CUX1: variants seen among roughly 807,000 people sequenced by gnomAD.
CUX1 encodes cut like homeobox 1, also known as protein CASP.
A neutral mutation model predicts 158.8 loss-of-function variants in CUX1; 31 were observed. That is an observed-to-expected ratio of 0.20 (90% CI 0.15 to 0.26). The LOEUF is 0.26. Ranked by LOEUF, CUX1 falls within the 10% of genes least tolerant of loss-of-function variation. The pLI is 1.00. For synonymous variants in CUX1, 879 were observed against 862.1 expected (o/e 1.02, Z -0.34); for missense variants, 1,589 against 2,014.6 (o/e 0.79, Z 4.04).
intron 7 of CUX1, chr7:102,111,981 G>T (rs1830940365): frequency 1.9e-6 from 1 of 528,382 alleles, no homozygotes; most frequent in African/African-American, 1.9e-5. Flanking sequence ...TAATGTAGAG[G>T]TGGGAGGATC....
chr7:102,240,375 C>T (rs186610953), intron 23 of CUX1, among the ~76,000 whole-genome samples: 249 of 152,210 alleles, frequency 1.6e-3, no homozygotes, highest in Middle Eastern at 6.8e-3. Context: ...CTCAGGCAGT[C>T]CTCCCACCTC....
chr7:102,161,705 G>A (rs1157112404), intron 9 of CUX1, among the ~76,000 whole-genome samples: 1 of 152,142 alleles, frequency 6.6e-6, no homozygotes, highest in Non-Finnish European at 1.5e-5. Context: ...CCACCTCATG[G>A]GTTCAGGCAA....
chr7:102,133,878 G>A lies in CUX1; in HGVS notation c.674+18605G>A, dbSNP rs571316399. Among the ~76,000 whole-genome samples, 61 of 152,308 alleles carry A rather than the reference G, an allele frequency of 4.0e-4. No homozygotes were observed. The South Asian group carries it at 4.8e-3, about 12-fold the overall frequency. On this transcript the variant is annotated intron_variant, in intron 8 of 23. Coordinates refer to ENST00000292535, the MANE Select transcript of CUX1 (RefSeq NM_181552.4). ...CGGGGTAATTGCAGACTGTGACCTC[G>A]TTGCGAGTGGAAATCACAGAGGCTT...
rs1554545412 is a variant in CUX1 at position 102,267,908 on chromosome 7, TGCTACCAC to T, written c.1256-5457_1256-5450del. Reference sequence around the variant, plus strand: ...GTCTCAAACACCTGAGCTCCAGCGATGCTACCACCTCTGCCTCCCAAAGTGCTGTATTC... The same window carrying T: ...GTCTCAAACACCTGAGCTCCAGCGATCTCTGCCTCCCAAAGTGCTGTATTC... On this transcript the variant is annotated intron_variant, in intron 14 of 22. Transcript: ENST00000292538. Among the ~76,000 whole-genome samples the T allele has an allele frequency of 3.2e-4, 4 of 12,636 alleles. No homozygotes were observed. In the African/African-American group the frequency reaches 3.7e-3, roughly 12 times the overall value. The allele number at this position is 12,636 out of a possible 152,430, so 8.3% of individuals were successfully genotyped here. A position where few individuals can be genotyped will look rare whatever the true frequency, so the allele number is the denominator to read the frequency against.
chr7:102,127,993 G>A (rs1163922090), intron 8 of CUX1, among the ~76,000 whole-genome samples: 5 of 152,214 alleles, frequency 3.3e-5, no homozygotes, highest in Non-Finnish European at 7.3e-5. Flanking sequence ...GACTACAGGT[G>A]TGTGCCACCA....
chr7:101,926,686 G>C (rs952304931), intron 2 of CUX1, among the ~76,000 whole-genome samples: 1 of 152,150 alleles, frequency 6.6e-6, no homozygotes, highest in Non-Finnish European at 1.5e-5. Flanking sequence ...GGAGTAGAAC[G>C]CATAACTAGT....
intron 1 of CUX1, among the ~76,000 whole-genome samples, chr7:101,875,018 A>C (rs1798979185): frequency 6.6e-6 from 1 of 152,054 alleles, no homozygotes; most frequent in African/African-American, 2.4e-5. Context: ...ATTTGTAACA[A>C]TTCTGCTTGA....
At chr7:102,273,499 C>A (rs782605883) in intron 15 of CUX1, 9 of 1,608,172 alleles carry the variant, frequency 5.6e-6, no homozygotes, top group Non-Finnish European at 6.8e-6. Flanking sequence ...CCGAGGTGAG[C>A]CCACCCCCCT....
rs923291210 is a variant in CUX1 at position 102,219,048 on chromosome 7, G to A, written c.3131-8319G>A. 2.5e-4 allele frequency among the ~76,000 whole-genome samples: 15 copies of A among 59,146 alleles called. No individual in the cohort carries two copies. In the East Asian group the frequency reaches 0.036, roughly 142 times the overall value. The allele number at this position is 59,146 out of a possible 152,430, so 38.8% of individuals were successfully genotyped here. ...AACCTGGACAACAGATCAAGACCCT[G>A]CCTCAAAACACACACACACACACAC... On this transcript the variant is annotated intron_variant, in intron 20 of 23. Transcript: ENST00000292535.
Position 101,817,812 on chromosome 7 carries a change from C to G in CUX1, c.30+143C>G, listed in dbSNP as rs1028163581. 3.1e-6 allele frequency: 3 copies of G among 967,938 alleles called. No homozygotes were observed. Among genetic ancestry groups the G allele is most frequent in the African/African-American group, 1.7e-5 (1 of 59,644 alleles). 60.0% of individuals were successfully genotyped at this position (967,938 alleles called of 1,614,324 possible). A position where few individuals can be genotyped will look rare whatever the true frequency, so the allele number is the denominator to read the frequency against. On this transcript the variant is annotated intron_variant, in intron 1 of 23. Transcript: ENST00000292535. The surrounding 1 kb of genome is among the most constrained non-coding windows in gnomAD (Gnocchi z 4.1). ...GGGGATAGGAGGGTTCCTCAGGGCC[C>G]CTGGGGAACTGCAGCTACTCCCAAC... is the stretch of plus-strand genomic sequence containing the variant.
chr7:102,168,755 G>A (rs1203267596), intron 9 of CUX1, among the ~76,000 whole-genome samples: 2 of 151,504 alleles, frequency 1.3e-5, no homozygotes, highest in African/African-American at 4.9e-5. Context: ...CCTAGAACTA[G>A]ATTAATCAGC....
intron 1 of CUX1, among the ~76,000 whole-genome samples, chr7:101,877,641 C>T (rs1279245280): frequency 2.0e-5 from 3 of 152,082 alleles, no homozygotes; most frequent in Non-Finnish European, 4.4e-5. Context: ...GAGCCGAGAC[C>T]GTCCCACTGC....
intron 21 of CUX1, among the ~76,000 whole-genome samples, chr7:102,227,942 C>CT (rs1183116945): frequency 9.1e-6 from 1 of 109,616 alleles, no homozygotes; most frequent in Non-Finnish European, 1.9e-5. Context: ...CAGACTGTCT[C>CT]TTTTTTTTCT....
At chr7:102,085,058 G>A (rs560703153) in intron 4 of CUX1, among the ~76,000 whole-genome samples, 4 of 151,420 alleles carry the variant, frequency 2.6e-5, no homozygotes, top group East Asian at 3.9e-4. Context: ...CCTAGCTTGC[G>A]GAGAATTTTT....
At chr7:102,242,371 G>A (rs782796129) in intron 23 of CUX1, among the ~76,000 whole-genome samples, 1 of 151,848 alleles carries the variant, frequency 6.6e-6, no homozygotes, top group East Asian at 1.9e-4. Context: ...CACCATGCCC[G>A]GCTAATTTTT....
intron 1 of CUX1, among the ~76,000 whole-genome samples, chr7:101,833,733 A>G (rs1794316226): frequency 6.6e-6 from 1 of 152,072 alleles, no homozygotes; most frequent in African/African-American, 2.4e-5. Context: ...GGACCTGTAC[A>G]CTGCGGCATC....
At position 102,246,146 on chromosome 7, in the gene CUX1, C is replaced by T. The variant is rs115239711; in HGVS notation, c.3888-2266C>T. Reference sequence around the variant, plus strand: ...CTCTGGTTTTGGGTCGGGCTGGGACCAAACCTTCACTACCCATATAGCCTC... The same window carrying T: ...CTCTGGTTTTGGGTCGGGCTGGGACTAAACCTTCACTACCCATATAGCCTC... On this transcript the variant is annotated intron_variant, in intron 23 of 23. Transcript: ENST00000292535. Among the ~76,000 whole-genome samples the T allele has an allele frequency of 5.7e-3, 863 of 152,190 alleles. 6 individuals are homozygous for T. The highest frequency in any genetic ancestry group is 0.02 in the African/African-American group (817 of 41,530).
At chr7:102,090,367 G>C (rs10248846) in intron 4 of CUX1, among the ~76,000 whole-genome samples, 2 of 144,906 alleles carry the variant, frequency 1.4e-5, no homozygotes, top group African/African-American at 2.5e-5. Context: ...CCATGATACC[G>C]TTTTTTTTTT....
intron 1 of CUX1, among the ~76,000 whole-genome samples, chr7:101,839,334 C>T (rs555275462): frequency 2.0e-5 from 3 of 152,044 alleles, no homozygotes; most frequent in South Asian, 4.2e-4. Context: ...CTGCTAGGAA[C>T]GTTCTTACAC....
Sources: allele counts gnomAD v4.1 joint callset (sites outside exome capture counted in the v4.1 genomes callset), GRCh38; gene constraint gnomAD v4.1.1; non-coding constraint Gnocchi (gnomAD v3.1); transcripts MANE v1.5; gene names NCBI Gene and HGNC (gene_info 2026-07-23, HGNC 2026-07-21).